Variants in CDK5RAP2 observed in about 807,000 individuals in gnomAD.
CDK5RAP2 encodes the protein CDK5 regulatory subunit-associated protein 2.
A neutral mutation model predicts 232.9 loss-of-function variants in CDK5RAP2; 147 were observed. The observed-to-expected ratio is 0.63, with a 90% CI of 0.55 to 0.72. CDK5RAP2 has a LOEUF of 0.72. Ranked by LOEUF, CDK5RAP2 falls within the 30% of genes least tolerant of loss-of-function variation. The probability of loss-of-function intolerance (pLI) is 0.00; values close to 1 mark genes in which losing one functional copy is unlikely to be tolerated. For synonymous variants in CDK5RAP2, 833 were observed against 833.7 expected (o/e 1.00, Z 0.01); for missense variants, 2,195 against 2,231.5 (o/e 0.98, Z 0.33).
At chr9:120,405,747 G>C (rs1040465356) in intron 32 of CDK5RAP2, among the ~76,000 whole-genome samples, 5 of 152,140 alleles carry the variant, frequency 3.3e-5, no homozygotes, top group African/African-American at 1.2e-4. Flanking sequence ...TATTAACATT[G>C]ATGTCTATTA....
rs558707551 is a variant in CDK5RAP2 at position 120,463,222 on chromosome 9, T to A, written c.2107-2555A>T. 1.1e-3 allele frequency among the ~76,000 whole-genome samples: 161 copies of A among 152,112 alleles called. 4 individuals carry two copies. The South Asian group carries it at 0.033, about 31-fold the overall frequency. On this transcript the variant is annotated intron_variant, in intron 18 of 37. Transcript: ENST00000349780. ...TTGTCTCTACTAAAAATTAAAAAAA[T>A]TAGCTGGGCATGGTGGCGGGCGCCT...
chr9:120,438,519 T>C (rs1242622427), intron 24 of CDK5RAP2, among the ~76,000 whole-genome samples: 3 of 152,152 alleles, frequency 2.0e-5, no homozygotes, highest in Non-Finnish European at 4.4e-5. Context: ...TGGAGTGGGA[T>C]GATGTGGGCT....
intron 12 of CDK5RAP2, among the ~76,000 whole-genome samples, chr9:120,507,052 CA>C (rs1224272705): frequency 6.6e-6 from 1 of 152,094 alleles, no homozygotes; most frequent in Non-Finnish European, 1.5e-5. Context: ...ATTCTTGCAG[CA>C]ACCACCACCC....
intron 18 of CDK5RAP2, among the ~76,000 whole-genome samples, chr9:120,465,152 C>G (rs1035338909): frequency 3.9e-5 from 6 of 152,082 alleles, no homozygotes; most frequent in Admixed American, 3.9e-4. Context: ...AGTGACTAAC[C>G]CTTTCGAGCC....
intron 25 of CDK5RAP2, among the ~76,000 whole-genome samples, chr9:120,435,718 G>T (rs1195193649): frequency 6.6e-6 from 1 of 152,142 alleles, no homozygotes; most frequent in African/African-American, 2.4e-5. Context: ...CATGTCAAAA[G>T]AAACTGCCAC....
intron 4 of CDK5RAP2, among the ~76,000 whole-genome samples, chr9:120,549,278 C>T (rs2041966600): frequency 1.3e-5 from 2 of 152,286 alleles, no homozygotes; most frequent in South Asian, 4.1e-4. Context: ...CAAACACACG[C>T]TTGCTTATAC....
chr9:120,544,066 T>C (rs1416860265), intron 5 of CDK5RAP2, among the ~76,000 whole-genome samples: 3 of 152,194 alleles, frequency 2.0e-5, no homozygotes, highest in Admixed American at 2.0e-4. Context: ...AAGAGCCACT[T>C]AATAAATATT....
At chr9:120,402,224 T>TG (rs1216545904) in intron 34 of CDK5RAP2, among the ~76,000 whole-genome samples, 1 of 150,394 alleles carries the variant, frequency 6.6e-6, no homozygotes, top group Non-Finnish European at 1.5e-5. Flanking sequence ...GCCTAGGAGG[T>TG]GGGGTCGAAG....
chr9:120,484,860 G>A (rs978581199), intron 14 of CDK5RAP2, among the ~76,000 whole-genome samples: 2 of 151,772 alleles, frequency 1.3e-5, no homozygotes, highest in African/African-American at 4.8e-5. Context: ...GACTATAGGC[G>A]TGCACCACTG....
At chr9:120,467,782 A>G in intron 18 of CDK5RAP2, 78 bp downstream of exon 18, 1 of 1,505,120 alleles carries the variant, frequency 6.6e-7, no homozygotes, top group East Asian at 2.3e-5. Flanking sequence ...AAGTGCTGGG[A>G]TTACAGGCGT....
chr9:120,401,166 G>A, intron 34 of CDK5RAP2: 1 of 444,320 alleles, frequency 2.3e-6, no homozygotes, highest in Non-Finnish European at 4.1e-6. Context: ...TCCAAGTAAA[G>A]GGTCTGTGGG....
At chr9:120,438,659 G>A (rs2035722891) in intron 24 of CDK5RAP2, among the ~76,000 whole-genome samples, 1 of 152,156 alleles carries the variant, frequency 6.6e-6, no homozygotes, top group South Asian at 2.1e-4. Context: ...TGATTTTGAG[G>A]ATTAGATAAG....
rs1316824345 is a variant in CDK5RAP2 at position 120,443,865 on chromosome 9, C to T, written c.3026-123G>A. On this transcript the variant is annotated intron_variant, in intron 22 of 37. Transcript: ENST00000349780. ...ATAAAAACACTGGGGAGGCAAAATG[C>T]AATTTATAAGATAAAATTAATCTAT... 3 of 1,230,988 alleles carry T rather than the reference C, an allele frequency of 2.4e-6. No individual in the cohort carries two copies. In the African/African-American group the frequency reaches 4.5e-5, roughly 19 times the overall value. 76.3% of individuals were successfully genotyped at this position (1,230,988 alleles called of 1,614,324 possible).
chr9:120,519,772 C>A (rs1439449888), intron 11 of CDK5RAP2, among the ~76,000 whole-genome samples: 1 of 152,204 alleles, frequency 6.6e-6, no homozygotes, highest in Non-Finnish European at 1.5e-5. Flanking sequence ...CACATGTATT[C>A]CCACTGCCAT....
At chr9:120,461,531 A>T (rs1428576123) in intron 18 of CDK5RAP2, among the ~76,000 whole-genome samples, 1 of 152,238 alleles carries the variant, frequency 6.6e-6, no homozygotes, top group East Asian at 1.9e-4. Flanking sequence ...AAATTATACC[A>T]AACCTTATCT....
chr9:120,537,335 AC>A (rs2041436397), intron 6 of CDK5RAP2, among the ~76,000 whole-genome samples: 1 of 152,012 alleles, frequency 6.6e-6, no homozygotes, highest in South Asian at 2.1e-4. Context: ...TTGTTCCATC[AC>A]AGGAAGCTCA....
Position 120,518,631 on chromosome 9 carries a change from A to G in CDK5RAP2, c.1107T>C (p.Tyr369=). 6.2e-7 allele frequency: 1 copy of G among 1,613,704 alleles called. No individual in the cohort carries two copies. The highest frequency in any genetic ancestry group is 8.5e-7 in the Non-Finnish European group (1 of 1,179,846). ...QTQEFQGSED[Y]ETALSGKEAL... Reference sequence around the variant, plus strand: ...CTTCCTTTCCTGATAGAGCAGTCTCATAGTCTTCAGACCCCTAGAAGAGAA... The same window carrying G: ...CTTCCTTTCCTGATAGAGCAGTCTCGTAGTCTTCAGACCCCTAGAAGAGAA... Residue 369 remains tyrosine, a synonymous_variant, in exon 12 of 38, where the codon TAT becomes TAC. Coordinates refer to ENST00000349780, the MANE Select transcript of CDK5RAP2 (RefSeq NM_018249.6).
chr9:120,471,950 C>A (rs987698475), intron 15 of CDK5RAP2, 72 bp from the exon 16 acceptor site: 18 of 1,593,526 alleles, frequency 1.1e-5, no homozygotes, highest in Non-Finnish European at 1.5e-5. Context: ...CCCAGAAAGC[C>A]TTCCTGTGAT....
intron 18 of CDK5RAP2, among the ~76,000 whole-genome samples, chr9:120,463,325 C>T (rs1041601326): frequency 1.5e-4 from 23 of 152,192 alleles, no homozygotes; most frequent in East Asian, 1.4e-3. Flanking sequence ...GAGCTGAGAT[C>T]GCGCCACTGC....
Sources: gnomAD v4.1 joint callset for allele counts (sites outside exome capture counted in the v4.1 genomes callset) on GRCh38, gnomAD v4.1.1 for gene constraint, MANE v1.5 for transcripts, NCBI Gene and HGNC (gene_info 2026-07-23, HGNC 2026-07-21) for gene names.